SPOCK1: variants seen among roughly 807,000 people sequenced by gnomAD.
The protein encoded by SPOCK1 is SPARC (osteonectin), cwcv and kazal like domains proteoglycan 1.
In SPOCK1, 23 loss-of-function variants were observed where a neutral mutation model predicts 55.3. That is an observed-to-expected ratio of 0.42 (90% confidence interval 0.30 to 0.59). SPOCK1 has a LOEUF of 0.59. SPOCK1 is among the 20% of genes least tolerant of loss of function. The pLI, the probability that SPOCK1 is intolerant of heterozygous loss-of-function variation, is 0.22. For missense variants in SPOCK1, 499 were observed against 552.5 expected, an observed-to-expected ratio of 0.90 and a Z score of 0.97; for synonymous variants, 226 against 221.0, an observed-to-expected ratio of 1.02 and a Z score of -0.20.
chr5:137,320,965 C>T (rs1561503737), intron 2 of SPOCK1, among the ~76,000 whole-genome samples: 1 of 151,964 alleles, frequency 6.6e-6, no homozygotes, highest in Non-Finnish European at 1.5e-5. Flanking sequence ...TTCAAAATAG[C>T]CACCATAAAG....
chr5:137,044,629 T>A (rs541956579), intron 6 of SPOCK1, among the ~76,000 whole-genome samples: 1 of 152,238 alleles, frequency 6.6e-6, no homozygotes, highest in African/African-American at 2.4e-5. Flanking sequence ...GAGACATAAA[T>A]AAATGACTAT....
intron 6 of SPOCK1, among the ~76,000 whole-genome samples, chr5:137,031,284 C>A (rs1344050096): frequency 1.3e-5 from 2 of 152,162 alleles, no homozygotes; most frequent in Non-Finnish European, 2.9e-5. Flanking sequence ...AGAATTCTTT[C>A]CATTAAACTA....
At chr5:137,089,940 G>C (rs780521729) in intron 5 of SPOCK1, among the ~76,000 whole-genome samples, 1 of 152,192 alleles carries the variant, frequency 6.6e-6, no homozygotes, top group Non-Finnish European at 1.5e-5. Context: ...AGCCAGGAAG[G>C]CCACAGAGGC....
chr5:137,370,890 A>C (rs985753194), intron 2 of SPOCK1, among the ~76,000 whole-genome samples: 1 of 152,174 alleles, frequency 6.6e-6, no homozygotes. Context: ...CAGGTCCATG[A>C]ATGCATCGTA....
At chr5:137,113,513 G>A (rs1011942385) in intron 4 of SPOCK1, among the ~76,000 whole-genome samples, 5 of 152,200 alleles carry the variant, frequency 3.3e-5, no homozygotes, top group Non-Finnish European at 7.3e-5. Context: ...GAAAGTACAA[G>A]TTCAAATCTC....
intron 3 of SPOCK1, among the ~76,000 whole-genome samples, chr5:137,192,308 G>C (rs1199528903): frequency 6.6e-6 from 1 of 151,868 alleles, no homozygotes; most frequent in Non-Finnish European, 1.5e-5. Context: ...GTGCTGCATG[G>C]AGAGACGGAG....
At chr5:137,189,065 T>C (rs1755126949) in intron 3 of SPOCK1, among the ~76,000 whole-genome samples, 2 of 152,330 alleles carry the variant, frequency 1.3e-5, no homozygotes, top group East Asian at 1.9e-4. Flanking sequence ...AAAGAAAAGT[T>C]TGAAGCTAGC....
intron 3 of SPOCK1, among the ~76,000 whole-genome samples, chr5:137,201,105 C>G (rs947188566): frequency 6.6e-6 from 1 of 152,136 alleles, no homozygotes; most frequent in Admixed American, 6.5e-5. Flanking sequence ...TGAGTTGTCC[C>G]AGGAAGGGAA....
At chr5:137,093,311 C>A (rs922062916) in intron 5 of SPOCK1, among the ~76,000 whole-genome samples, 2 of 152,192 alleles carry the variant, frequency 1.3e-5, no homozygotes, top group African/African-American at 4.8e-5. Context: ...AGGGCAGGGT[C>A]TCTCTCAGCC....
intron 3 of SPOCK1, among the ~76,000 whole-genome samples, chr5:137,154,536 A>T (rs1437940906): frequency 7.2e-5 from 11 of 152,222 alleles, no homozygotes; most frequent in Non-Finnish European, 1.5e-5. Context: ...CCAAGAACAC[A>T]CTATTGGACC....
intron 6 of SPOCK1, among the ~76,000 whole-genome samples, chr5:137,044,307 C>T (rs1468980116): frequency 6.6e-6 from 1 of 152,178 alleles, no homozygotes; most frequent in Admixed American, 6.5e-5. Flanking sequence ...TCGGAAATTA[C>T]CATAGCAGGG....
At chr5:137,207,364 TTTAGTA>T (rs1698019050) in intron 3 of SPOCK1, among the ~76,000 whole-genome samples, 1 of 152,222 alleles carries the variant, frequency 6.6e-6, no homozygotes, top group Non-Finnish European at 1.5e-5. Flanking sequence ...ATTCTCTTGA[TTTAGTA>T]TTATGTAGTA....
chr5:137,134,410 A>G (rs887093749), intron 4 of SPOCK1, among the ~76,000 whole-genome samples: 2 of 152,170 alleles, frequency 1.3e-5, no homozygotes, highest in African/African-American at 4.8e-5. Flanking sequence ...CCAAAACTCC[A>G]TGCATTAATT....
At chr5:137,436,667 T>C (rs886973100) in intron 2 of SPOCK1, among the ~76,000 whole-genome samples, 1 of 152,190 alleles carries the variant, frequency 6.6e-6, no homozygotes, top group Admixed American at 6.5e-5. Context: ...AGATGCTGAT[T>C]GGAATGGGGT....
intron 5 of SPOCK1, among the ~76,000 whole-genome samples, chr5:137,098,128 T>C (rs989448455): frequency 6.6e-6 from 1 of 152,252 alleles, no homozygotes; most frequent in African/African-American, 2.4e-5. Flanking sequence ...GAATTTAATA[T>C]GTAATAACTC....
At chr5:137,158,542 C>T (rs555503434) in intron 3 of SPOCK1, among the ~76,000 whole-genome samples, 1 of 152,280 alleles carries the variant, frequency 6.6e-6, no homozygotes, top group South Asian at 2.1e-4. Flanking sequence ...TCACACTGAA[C>T]CTTAATACTG....
At chr5:136,983,453 A>G (rs1750772686) in intron 9 of SPOCK1, among the ~76,000 whole-genome samples, 1 of 152,218 alleles carries the variant, frequency 6.6e-6, no homozygotes, top group Non-Finnish European at 1.5e-5. Context: ...CCACCCTCTC[A>G]TTAAGGAGTG....
chr5:137,297,289 A>C (rs570771795), intron 2 of SPOCK1, among the ~76,000 whole-genome samples: 2 of 152,226 alleles, frequency 1.3e-5, no homozygotes, highest in South Asian at 4.1e-4. Context: ...ATTACTGAGT[A>C]AACTATGATT....
intron 2 of SPOCK1, among the ~76,000 whole-genome samples, chr5:137,390,819 G>A (rs1313518466): frequency 2.6e-5 from 4 of 152,208 alleles, no homozygotes; most frequent in Non-Finnish European, 4.4e-5. Flanking sequence ...ACCAAGGCCT[G>A]CAGTTAGGGA....
Sources: gnomAD v4.1 joint callset for allele counts (sites outside exome capture counted in the v4.1 genomes callset) on GRCh38, gnomAD v4.1.1 for gene constraint, MANE v1.5 for transcripts, NCBI Gene and HGNC (gene_info 2026-07-23, HGNC 2026-07-21) for gene names.